The following ACTG2 variants were observed in gnomAD, a reference collection of about 807,000 sequenced individuals.
The protein encoded by ACTG2 is actin gamma 2, smooth muscle.
In ACTG2, 16 loss-of-function variants were observed where a neutral mutation model predicts 37.6. That is an observed-to-expected ratio of 0.43 (90% CI 0.29 to 0.65). The LOEUF (loss-of-function observed/expected upper bound fraction) is 0.65. Among genes scored for constraint, ACTG2 ranks in the 30% least tolerant of loss-of-function variants. The pLI, the probability that ACTG2 is intolerant of heterozygous loss-of-function variation, is 0.18. For synonymous variants in ACTG2, 181 were observed against 179.9 expected, an observed-to-expected ratio of 1.01 and a Z score of -0.05; for missense variants, 238 against 490.9, an observed-to-expected ratio of 0.48 and a Z score of 4.87.
intron 5 of ACTG2, among the ~76,000 whole-genome samples, chr2:73,911,725 T>A (rs1260065519): frequency 6.6e-6 from 1 of 152,236 alleles, no homozygotes; most frequent in Non-Finnish European, 1.5e-5. Context: ...AGCTTCCTTA[T>A]AATATTATGG....
intron 1 of ACTG2, among the ~76,000 whole-genome samples, chr2:73,897,649 C>G (rs1679779021): frequency 1.3e-5 from 2 of 152,208 alleles, no homozygotes; most frequent in Non-Finnish European, 2.9e-5. Context: ...CTGTCTTAAT[C>G]CATGTTTGTT....
At chr2:73,899,596 A>G (rs1484040848) in intron 1 of ACTG2, among the ~76,000 whole-genome samples, 2 of 152,038 alleles carry the variant, frequency 1.3e-5, no homozygotes, top group Non-Finnish European at 2.9e-5. Flanking sequence ...AACTTTATCA[A>G]CCTGTGCTTT....
intron 3 of ACTG2, among the ~76,000 whole-genome samples, chr2:73,904,402 T>A (rs1679962186): frequency 6.6e-6 from 1 of 152,068 alleles, no homozygotes; most frequent in Non-Finnish European, 1.5e-5. Flanking sequence ...CCGGGCACAG[T>A]GGCTCATACC....
intron 3 of ACTG2, among the ~76,000 whole-genome samples, chr2:73,903,411 A>G (rs1039171875): frequency 6.6e-6 from 1 of 152,230 alleles, no homozygotes; most frequent in Non-Finnish European, 1.5e-5. Flanking sequence ...CACGTTATAC[A>G]GTGGAGTGGG....
intron 1 of ACTG2, among the ~76,000 whole-genome samples, chr2:73,895,780 A>G (rs1011576220): frequency 2.6e-5 from 4 of 152,254 alleles, no homozygotes; most frequent in African/African-American, 7.2e-5. Flanking sequence ...AGAGAGATTA[A>G]TAAGAATCAT....
chr2:73,903,959 A>AAAAAAAAAAAC (rs1679949397), intron 3 of ACTG2, among the ~76,000 whole-genome samples: 2 of 96,148 alleles, frequency 2.1e-5, no homozygotes, highest in African/African-American at 3.7e-5. Flanking sequence ...AAAAAAAAAA[A>AAAAAAAAAAAC]CAAAAAAAAA....
rs117014806 is a variant in ACTG2 at position 73,903,395 on chromosome 2, G to A, written c.255+907G>A. 1.0e-3 allele frequency among the ~76,000 whole-genome samples: 157 copies of A among 152,278 alleles called. 1 individual carries two copies. In the East Asian group the frequency reaches 0.017, roughly 16 times the overall value. On this transcript the variant is annotated intron_variant, in intron 3 of 8. Coordinates refer to ENST00000345517, the MANE Select transcript of ACTG2 (RefSeq NM_001615.4). ...ATAAGTACTGCACATAAAATGCAAT[G>A]GATTTCACGTTATACAGTGGAGTGG... is the stretch of plus-strand genomic sequence containing the variant.
intron 3 of ACTG2, among the ~76,000 whole-genome samples, chr2:73,907,326 T>C (rs937239529): frequency 1.3e-5 from 2 of 152,146 alleles, no homozygotes; most frequent in Middle Eastern, 3.2e-3. Flanking sequence ...ATGGGTCCAA[T>C]GGCATCAAAT....
intron 3 of ACTG2, chr2:73,902,873 G>A: frequency 9.3e-7 from 1 of 1,080,692 alleles, no homozygotes; most frequent in Non-Finnish European, 1.3e-6. Flanking sequence ...TTCCCTGCCT[G>A]ATCCCCGCGA....
chr2:73,893,378 G>T (rs1339564850), intron 1 of ACTG2, among the ~76,000 whole-genome samples: 1 of 152,214 alleles, frequency 6.6e-6, no homozygotes, highest in African/African-American at 2.4e-5. Context: ...TTTGTCTTGG[G>T]TTAGAATGTC....
At chr2:73,908,848 T>A in intron 4 of ACTG2, 65 bp downstream of exon 4, 2 of 1,421,886 alleles carry the variant, frequency 1.4e-6, no homozygotes, top group Non-Finnish European at 9.9e-7. Flanking sequence ...GCCAGATACT[T>A]TCTCCCCTTC....
intron 3 of ACTG2, among the ~76,000 whole-genome samples, chr2:73,907,729 C>A (rs1204149985): frequency 6.6e-6 from 1 of 152,198 alleles, no homozygotes; most frequent in Non-Finnish European, 1.5e-5. Context: ...GATTTTGCTT[C>A]CCAAAGGACA....
chr2:73,898,990 T>A (rs1270903229), intron 1 of ACTG2, among the ~76,000 whole-genome samples: 2 of 151,844 alleles, frequency 1.3e-5, no homozygotes. Flanking sequence ...TTTTGTATTT[T>A]TAGTAGAGAC....
At chr2:73,904,667 T>A (rs79861480) in intron 3 of ACTG2, among the ~76,000 whole-genome samples, 3 of 126,456 alleles carry the variant, frequency 2.4e-5, no homozygotes, top group South Asian at 2.5e-4. Flanking sequence ...ATATTTTTTT[T>A]TAAAAATGTA....
At position 73,901,532 on chromosome 2, in the gene ACTG2, A is replaced by ATTG. The variant is rs1290866422; in HGVS notation, c.126+96_126+97insTGT. ...CTGAGCTGGGGGTTAGGGGAAGGAA[A>ATTG]TGTGTGTGTGTGTGTGTGTGTGTGT... On this transcript the variant is annotated intron_variant, in intron 2 of 8. Transcript: ENST00000345517. 5 of 1,144,924 alleles carry ATTG rather than the reference A, an allele frequency of 4.4e-6. No individual in the cohort carries two copies. In the African/African-American group the frequency reaches 7.6e-5, roughly 17 times the overall value. The allele number at this position is 1,144,924 out of a possible 1,614,324, so 70.9% of individuals were successfully genotyped here.
At chr2:73,908,430 C>A in intron 3 of ACTG2, 1 of 594,042 alleles carries the variant, frequency 1.7e-6, no homozygotes, top group Non-Finnish European at 3.2e-6. Flanking sequence ...GAGGGAAGGT[C>A]AAATGGAAAT....
intron 5 of ACTG2, among the ~76,000 whole-genome samples, chr2:73,912,432 C>G (rs1680159133): frequency 2.6e-5 from 4 of 152,230 alleles, no homozygotes. Context: ...GCTGGCATTA[C>G]AGGCATGAGC....
intron 5 of ACTG2, among the ~76,000 whole-genome samples, chr2:73,912,146 C>T (rs1228403142): frequency 6.6e-6 from 1 of 152,088 alleles, no homozygotes; most frequent in Non-Finnish European, 1.5e-5. Context: ...CTGTGCTTTG[C>T]ACTTTGGTTT....
chr2:73,904,735 ATCATTG>A (rs1461339724), intron 3 of ACTG2, among the ~76,000 whole-genome samples: 1 of 134,920 alleles, frequency 7.4e-6, no homozygotes, highest in Non-Finnish European at 1.6e-5. Context: ...ATATCTATAA[ATCATTG>A]TGTGTGTGTG....
Sources: gnomAD v4.1 joint callset for allele counts (sites outside exome capture counted in the v4.1 genomes callset) on GRCh38, gnomAD v4.1.1 for gene constraint, MANE v1.5 for transcripts, NCBI Gene and HGNC (gene_info 2026-07-23, HGNC 2026-07-21) for gene names.